The following STK24 variants were observed in gnomAD, a reference collection of about 807,000 sequenced individuals.
STK24 encodes serine/threonine-protein kinase 24.
Under a neutral mutation model 55.6 loss-of-function variants are expected in STK24, and 21 were observed. That is an observed-to-expected ratio of 0.38 (90% CI 0.27 to 0.54). The LOEUF (loss-of-function observed/expected upper bound fraction) is 0.54. STK24 is among the 20% of genes least tolerant of loss of function. The pLI, the probability that STK24 is intolerant of heterozygous loss-of-function variation, is 0.79. For synonymous variants in STK24, 200 were observed against 215.2 expected, an observed-to-expected ratio of 0.93 and a Z score of 0.62; for missense variants, 383 against 538.4, an observed-to-expected ratio of 0.71 and a Z score of 2.86.
intron 1 of STK24, among the ~76,000 whole-genome samples, chr13:98,548,409 A>C (rs1401890554): frequency 6.6e-6 from 1 of 152,222 alleles, no homozygotes; most frequent in Non-Finnish European, 1.5e-5. Context: ...CACAAGTGAC[A>C]GGCACACCCA....
At position 98,519,225 on chromosome 13, in the gene STK24, C is replaced by T. The variant is rs1419518769; in HGVS notation, c.273+18G>A. 20 of 1,603,606 alleles carry T rather than the reference C, an allele frequency of 1.2e-5. No homozygotes were observed. Among genetic ancestry groups the T allele is most frequent in the Admixed American group, 1.7e-5 (1 of 59,970 alleles). ...CCAAGTGCTGCAGAACGGAGAAGCACGTTATTTTAAGCCTTACCTTCAGAT... is the reference window on the plus strand; with the variant it reads ...CCAAGTGCTGCAGAACGGAGAAGCATGTTATTTTAAGCCTTACCTTCAGAT... On this transcript the variant is annotated intron_variant, in intron 2 of 10. Transcript: ENST00000539966.
chr13:98,500,776 C>T (rs550415461), intron 2 of STK24, among the ~76,000 whole-genome samples: 1 of 152,030 alleles, frequency 6.6e-6, no homozygotes, highest in South Asian at 2.1e-4. Flanking sequence ...AGCACACAGG[C>T]AAGTGCTGGG....
intron 2 of STK24, among the ~76,000 whole-genome samples, chr13:98,484,404 A>T (rs994392459): frequency 6.6e-6 from 1 of 152,154 alleles, no homozygotes; most frequent in Non-Finnish European, 1.5e-5. Flanking sequence ...TTTTCTGGGC[A>T]TTAAGTCTGC....
Position 98,449,846 on chromosome 13 carries a change from G to C in STK24, c.*3327C>G, listed in dbSNP as rs79043249. 3 of 152,328 alleles carry C rather than the reference G, an allele frequency of 2.0e-5. No individual in the cohort carries two copies. The highest frequency in any genetic ancestry group is 6.6e-5 in the Admixed American group (1 of 15,258). 9.4% of individuals were successfully genotyped at this position (152,328 alleles called of 1,614,324 possible). ...GGACACTCCAGCAAGGGTTTCTAAAGCCCCAGTGTTCAGAGTGACACAGGG... is the reference window on the plus strand; with the variant it reads ...GGACACTCCAGCAAGGGTTTCTAAACCCCCAGTGTTCAGAGTGACACAGGG... On this transcript the variant is annotated 3_prime_UTR_variant, in exon 11 of 11. Coordinates refer to ENST00000539966, the MANE Select transcript of STK24 (RefSeq NM_001032296.4).
At chr13:98,470,371 T>C (rs1276761349) in intron 5 of STK24, among the ~76,000 whole-genome samples, 2 of 152,152 alleles carry the variant, frequency 1.3e-5, no homozygotes, top group Admixed American at 1.3e-4. Flanking sequence ...CCTCAAGCTG[T>C]CCTCCCGCCA....
intron 1 of STK24, among the ~76,000 whole-genome samples, chr13:98,546,696 G>A (rs540699998): frequency 1.3e-5 from 2 of 152,270 alleles, no homozygotes; most frequent in Admixed American, 1.3e-4. Flanking sequence ...ATCACGGAAA[G>A]TCAAATTCCC....
chr13:98,467,081 G>A (rs1300524405), intron 5 of STK24, among the ~76,000 whole-genome samples: 1 of 152,186 alleles, frequency 6.6e-6, no homozygotes, highest in Non-Finnish European at 1.5e-5. Flanking sequence ...GAATGGAGGT[G>A]GAAGAGGAGG....
intron 1 of STK24, among the ~76,000 whole-genome samples, chr13:98,520,595 A>G (rs561567911): frequency 1.3e-5 from 2 of 152,358 alleles, no homozygotes; most frequent in East Asian, 3.9e-4. Flanking sequence ...GGGTATCCAG[A>G]GTGGTGCATG....
chr13:98,524,109 T>C (rs1428876066), intron 1 of STK24, among the ~76,000 whole-genome samples: 4 of 151,826 alleles, frequency 2.6e-5, no homozygotes, highest in Non-Finnish European at 5.9e-5. Context: ...AGGAGGGAAG[T>C]GAGGAGATGC....
chr13:98,541,329 C>A (rs1896884952), intron 1 of STK24, among the ~76,000 whole-genome samples: 1 of 152,184 alleles, frequency 6.6e-6, no homozygotes, highest in Non-Finnish European at 1.5e-5. Flanking sequence ...AGCAGCCTGA[C>A]CCTCAGTTTG....
chr13:98,469,379 T>C (rs1336128048), intron 5 of STK24, among the ~76,000 whole-genome samples: 1 of 151,828 alleles, frequency 6.6e-6, no homozygotes, highest in Non-Finnish European at 1.5e-5. Flanking sequence ...CGAAACCCCA[T>C]CTCTACTAAA....
intron 3 of STK24, among the ~76,000 whole-genome samples, chr13:98,479,283 T>C (rs932939826): frequency 4.6e-5 from 7 of 152,240 alleles, no homozygotes; most frequent in African/African-American, 1.7e-4. Context: ...CCATTTACCA[T>C]TTTATTTTAA....
rs536034759 is a variant in STK24 at position 98,489,752 on chromosome 13, C to T, written c.274-7431G>A. 3.3e-5 allele frequency among the ~76,000 whole-genome samples: 5 copies of T among 152,214 alleles called. No individual in the cohort carries two copies. The East Asian group carries it at 7.7e-4, about 24-fold the overall frequency. On this transcript the variant is annotated intron_variant, in intron 2 of 10. Coordinates refer to ENST00000539966, the MANE Select transcript of STK24 (RefSeq NM_001032296.4). Reference sequence around the variant, plus strand: ...GGAGAAGAGGAGGAAAAATCCTGTTCGCAGAGGGCAGCTAGGAATGAGAGG... The same window carrying T: ...GGAGAAGAGGAGGAAAAATCCTGTTTGCAGAGGGCAGCTAGGAATGAGAGG...
rs550309006 is a variant in STK24 at position 98,502,699 on chromosome 13, G to A, written c.273+16544C>T. Among the ~76,000 whole-genome samples the A allele has an allele frequency of 1.1e-3, 174 of 152,260 alleles. 3 individuals are homozygous for A. In the South Asian group the frequency reaches 0.016, roughly 14 times the overall value. ...CACCACGTCATGACACAGCAAGAAA[G>A]CCCTCGCCAGATGCCAGTACCATGT... is the stretch of plus-strand genomic sequence containing the variant. On this transcript the variant is annotated intron_variant, in intron 2 of 10. Transcript: ENST00000539966.
chr13:98,498,281 T>C (rs1440811097), intron 2 of STK24, among the ~76,000 whole-genome samples: 1 of 152,250 alleles, frequency 6.6e-6, no homozygotes, highest in East Asian at 1.9e-4. Flanking sequence ...TTGCTCCTAA[T>C]GTCACTGGAC....
At chr13:98,557,146 T>G (rs1421112515) in intron 1 of STK24, among the ~76,000 whole-genome samples, 3 of 152,170 alleles carry the variant, frequency 2.0e-5, no homozygotes, top group Admixed American at 1.3e-4. Flanking sequence ...GTCTGGGATC[T>G]GAAACACAGG....
At chr13:98,523,963 T>A (rs906133822) in intron 1 of STK24, among the ~76,000 whole-genome samples, 1 of 151,556 alleles carries the variant, frequency 6.6e-6, no homozygotes, top group Non-Finnish European at 1.5e-5. Flanking sequence ...TGAAGAGGAG[T>A]CTCTGTGGCC....
At chr13:98,456,956 G>T in intron 10 of STK24, 1 of 640,582 alleles carries the variant, frequency 1.6e-6, no homozygotes, top group Non-Finnish European at 2.6e-6. Context: ...AAGTCCTGTG[G>T]GCTTTCCAGT....
At chr13:98,526,851 T>C (rs1896443439) in intron 1 of STK24, among the ~76,000 whole-genome samples, 1 of 152,078 alleles carries the variant, frequency 6.6e-6, no homozygotes, top group Non-Finnish European at 1.5e-5. Flanking sequence ...ATCCCAGTAG[T>C]GCGGGTGTAG....
Sources: allele counts gnomAD v4.1 joint callset (sites outside exome capture counted in the v4.1 genomes callset), GRCh38; gene constraint gnomAD v4.1.1; transcripts MANE v1.5; gene names NCBI Gene and HGNC (gene_info 2026-07-23, HGNC 2026-07-21).